Variants in RCAN2 observed in about 807,000 individuals in gnomAD.
RCAN2 encodes regulator of calcineurin 2, also known as calcipressin-2.
In RCAN2, 9 loss-of-function variants were observed where a neutral mutation model predicts 23.6. That is an observed-to-expected ratio of 0.38 (90% CI 0.23 to 0.67). The LOEUF (loss-of-function observed/expected upper bound fraction) is 0.67, where lower values mean the gene tolerates loss of function less well. RCAN2 is among the 30% of genes least tolerant of loss of function. The pLI, the probability that RCAN2 is intolerant of heterozygous loss-of-function variation, is 0.51. For synonymous variants in RCAN2, 109 were observed against 115.7 expected, an observed-to-expected ratio of 0.94 and a Z score of 0.37; for missense variants, 273 against 302.3, an observed-to-expected ratio of 0.90 and a Z score of 0.72.
chr6:46,267,364 TTTACC>T (rs1238675545), intron 2 of RCAN2, among the ~76,000 whole-genome samples: 5 of 152,140 alleles, frequency 3.3e-5, no homozygotes, highest in African/African-American at 9.7e-5. Context: ...TACATGTAAC[TTTACC>T]TAAGTTTATC....
chr6:46,357,695 A>T (rs190892500), intron 2 of RCAN2, among the ~76,000 whole-genome samples: 1 of 152,334 alleles, frequency 6.6e-6, no homozygotes, highest in Admixed American at 6.5e-5. Flanking sequence ...GGGTTGACAC[A>T]GTCAAGGTCA....
At chr6:46,237,426 A>C (rs975400286) in intron 4 of RCAN2, among the ~76,000 whole-genome samples, 19 of 152,178 alleles carry the variant, frequency 1.2e-4, no homozygotes, top group African/African-American at 3.6e-4. Context: ...AAACTGTACT[A>C]TCTCTCATAT....
At chr6:46,368,406 C>G (rs142920513) in intron 2 of RCAN2, among the ~76,000 whole-genome samples, 1 of 152,146 alleles carries the variant, frequency 6.6e-6, no homozygotes, top group Non-Finnish European at 1.5e-5. Flanking sequence ...AAAATACACA[C>G]CCCTTTCCCC....
intron 2 of RCAN2, among the ~76,000 whole-genome samples, chr6:46,349,520 AT>A (rs1764584205): frequency 6.6e-6 from 1 of 151,782 alleles, no homozygotes; most frequent in African/African-American, 2.4e-5. Context: ...TTCCACACGT[AT>A]TTCTATGTAA....
intron 2 of RCAN2, among the ~76,000 whole-genome samples, chr6:46,403,569 T>C (rs1402507675): frequency 9.5e-6 from 1 of 105,550 alleles, no homozygotes; most frequent in Non-Finnish European, 2.1e-5. Flanking sequence ...CGAAACTCCG[T>C]ATCAAAAAAA....
intron 2 of RCAN2, among the ~76,000 whole-genome samples, chr6:46,265,933 A>G (rs1164329424): frequency 1.3e-5 from 2 of 152,186 alleles, no homozygotes; most frequent in East Asian, 3.8e-4. Flanking sequence ...GCTAGTAGAA[A>G]TAATAATCAT....
At position 46,253,220 on chromosome 6, in the gene RCAN2, G is replaced by A. The variant is rs1766793702; in HGVS notation, c.226-4324C>T. Among the ~76,000 whole-genome samples the A allele has an allele frequency of 2.6e-5, 4 of 152,126 alleles. No individual in the cohort carries two copies. In the South Asian group the frequency reaches 8.3e-4, roughly 32 times the overall value. Reference sequence around the variant, plus strand: ...TATCTACCATCTATCTTATTCAAAAGCTGTGGAATTCACATTGGTGGATAC... The same window carrying A: ...TATCTACCATCTATCTTATTCAAAAACTGTGGAATTCACATTGGTGGATAC... On this transcript the variant is annotated intron_variant, in intron 2 of 4. Coordinates refer to ENST00000371374, the MANE Select transcript of RCAN2 (RefSeq NM_001251974.2).
chr6:46,438,589 C>G (rs570412476), intron 2 of RCAN2: 14 of 152,438 alleles, frequency 9.2e-5, no homozygotes, highest in Middle Eastern at 3.3e-3. Flanking sequence ...TCCTGGTCAC[C>G]ATGAGGAAAG....
At chr6:46,327,336 G>A (rs567295674) in intron 2 of RCAN2, among the ~76,000 whole-genome samples, 1 of 151,414 alleles carries the variant, frequency 6.6e-6, no homozygotes, top group Admixed American at 6.6e-5. Flanking sequence ...TGAAATACGG[G>A]AAAGATACTG....
Position 46,246,114 on chromosome 6 carries a change from CTAAAT to C in RCAN2, c.571+629_571+633del, listed in dbSNP as rs1276904481. Among the ~76,000 whole-genome samples, 28 of 152,184 alleles carry C rather than the reference CTAAAT, an allele frequency of 1.8e-4. 1 individual carries two copies. Among genetic ancestry groups the C allele is most frequent in the African/African-American group, 6.8e-4 (28 of 41,444 alleles). ...TAATAGCAAAAAACCTGGAAATAAT[CTAAAT>C]GTCCATCAACAGGAGAGTGGCTAAA... On this transcript the variant is annotated intron_variant, in intron 4 of 4. Transcript: ENST00000371374.
intron 2 of RCAN2, among the ~76,000 whole-genome samples, chr6:46,443,652 C>T (rs1767617485): frequency 6.6e-6 from 1 of 152,124 alleles, no homozygotes; most frequent in African/African-American, 2.4e-5. Context: ...TTGAACATTA[C>T]ATAAATATAA....
chr6:46,339,684 C>T (rs1582121028), intron 2 of RCAN2, among the ~76,000 whole-genome samples: 1 of 152,270 alleles, frequency 6.6e-6, no homozygotes, highest in South Asian at 2.1e-4. Flanking sequence ...ACCATCCCTG[C>T]ATTCAATTTC....
intron 2 of RCAN2, among the ~76,000 whole-genome samples, chr6:46,360,917 G>C (rs1764991796): frequency 6.6e-6 from 1 of 152,190 alleles, no homozygotes; most frequent in Admixed American, 6.5e-5. Flanking sequence ...AATGGAGGTT[G>C]AATAGTGAAG....
intron 2 of RCAN2, among the ~76,000 whole-genome samples, chr6:46,346,077 C>G (rs1216894691): frequency 6.6e-6 from 1 of 151,766 alleles, no homozygotes; most frequent in Admixed American, 6.6e-5. Flanking sequence ...TTTCTGATCA[C>G]AAAGGAATTA....
intron 2 of RCAN2, among the ~76,000 whole-genome samples, chr6:46,273,871 T>A (rs1367830879): frequency 5.3e-5 from 8 of 152,018 alleles, no homozygotes; most frequent in Admixed American, 3.3e-4. Context: ...CTTTTTTTTT[T>A]AAATCATGAG....
At chr6:46,265,767 T>C (rs1157033951) in intron 2 of RCAN2, among the ~76,000 whole-genome samples, 1 of 152,218 alleles carries the variant, frequency 6.6e-6, no homozygotes, top group Non-Finnish European at 1.5e-5. Context: ...TTATTTGTGA[T>C]CTAATAAAAG....
intron 2 of RCAN2, among the ~76,000 whole-genome samples, chr6:46,335,847 A>G (rs570161121): frequency 1.8e-4 from 28 of 152,330 alleles, no homozygotes; most frequent in African/African-American, 6.3e-4. Context: ...TTTGGAATTT[A>G]TCATCCTATC....
intron 1 of RCAN2, among the ~76,000 whole-genome samples, chr6:46,481,005 T>G (rs796616644): frequency 5.3e-5 from 8 of 152,356 alleles, no homozygotes; most frequent in African/African-American, 1.9e-4. Context: ...AAGTTCGTGT[T>G]TCCGAATTAT....
chr6:46,347,748 AAAACAAAAAC>A (rs1190370427), intron 2 of RCAN2, among the ~76,000 whole-genome samples: 1 of 124,934 alleles, frequency 8.0e-6, no homozygotes. Context: ...AACAGAAACA[AAAACAAAAAC>A]AAACAAACAA....
Sources: allele counts gnomAD v4.1 joint callset (sites outside exome capture counted in the v4.1 genomes callset), GRCh38; gene constraint gnomAD v4.1.1; transcripts MANE v1.5; gene names NCBI Gene and HGNC (gene_info 2026-07-23, HGNC 2026-07-21).